MYO9A: variants seen among roughly 807,000 people sequenced by gnomAD.
MYO9A encodes the protein myosin IXA.
MYO9A carries 103 observed loss-of-function variants against 293.3 expected under a neutral mutation model. That is an observed-to-expected ratio of 0.35 (90% confidence interval 0.30 to 0.41). The LOEUF (loss-of-function observed/expected upper bound fraction) is 0.41. MYO9A is among the 10% of genes least tolerant of loss of function. The pLI is 1.00. For synonymous variants in MYO9A, 1,001 were observed against 1,035.7 expected (o/e 0.97, Z 0.64); for missense variants, 2,685 against 3,033.0 (o/e 0.89, Z 2.69).
At chr15:71,964,663 T>C (rs958015085) in intron 13 of MYO9A, among the ~76,000 whole-genome samples, 10 of 150,380 alleles carry the variant, frequency 6.6e-5, no homozygotes, top group Non-Finnish European at 1.5e-4. Context: ...GGCATGTGCC[T>C]GTAGTCCCAG....
chr15:71,899,090 CAT>C (rs1300861885), intron 24 of MYO9A, 58 bp from the exon 25 acceptor site: 11 of 1,404,872 alleles, frequency 7.8e-6, no homozygotes, highest in Non-Finnish European at 1.1e-5. Flanking sequence ...CTGAAAATAA[CAT>C]ATTTCCTGAG....
At chr15:71,914,346 G>C (rs1225345338) in intron 19 of MYO9A, among the ~76,000 whole-genome samples, 1 of 152,128 alleles carries the variant, frequency 6.6e-6, no homozygotes, top group African/African-American at 2.4e-5. Flanking sequence ...GTTTCTGGTT[G>C]TTTATAGCAG....
At chr15:72,018,838 A>G (rs1250090147) in intron 6 of MYO9A, among the ~76,000 whole-genome samples, 7 of 152,226 alleles carry the variant, frequency 4.6e-5, no homozygotes, top group South Asian at 2.1e-4. Flanking sequence ...TAGCCCAAAA[A>G]AAGTAAATTA....
chr15:72,005,391 G>C (rs1288913850), intron 8 of MYO9A, among the ~76,000 whole-genome samples: 1 of 152,126 alleles, frequency 6.6e-6, no homozygotes, highest in African/African-American at 2.4e-5. Context: ...TGATGCACTA[G>C]AAACAGAAGC....
intron 4 of MYO9A, among the ~76,000 whole-genome samples, chr15:72,021,777 G>A (rs2077508834): frequency 6.6e-6 from 1 of 152,158 alleles, no homozygotes; most frequent in South Asian, 2.1e-4. Context: ...AATGTCCTGG[G>A]AATCTAGAAG....
intron 25 of MYO9A, 192 bp downstream of exon 25, chr15:71,897,269 C>G: frequency 3.2e-6 from 2 of 617,202 alleles, no homozygotes; most frequent in Non-Finnish European, 2.8e-6. Flanking sequence ...CATGATCAGT[C>G]AAGGATTCCT....
At chr15:72,108,906 G>A (rs1297210428) in intron 1 of MYO9A, among the ~76,000 whole-genome samples, 2 of 151,816 alleles carry the variant, frequency 1.3e-5, no homozygotes, top group African/African-American at 4.8e-5. Flanking sequence ...GGGATTATAA[G>A]CACCCACCAC....
At chr15:71,867,038 C>G (rs183868007) in intron 32 of MYO9A, among the ~76,000 whole-genome samples, 1 of 151,634 alleles carries the variant, frequency 6.6e-6, no homozygotes, top group South Asian at 2.1e-4. Flanking sequence ...GCCTTGGCAA[C>G]AGAGTGAGAC....
intron 1 of MYO9A, among the ~76,000 whole-genome samples, chr15:72,084,937 G>A (rs7183749): frequency 0.2 from 30,856 of 151,990 alleles, 3,344 homozygotes; most frequent in East Asian, 0.41. Flanking sequence ...CCAATGAGTC[G>A]GGTGTCATAG....
chr15:71,856,177 G>T (rs1248908911), intron 34 of MYO9A, among the ~76,000 whole-genome samples: 1 of 152,044 alleles, frequency 6.6e-6, no homozygotes, highest in Non-Finnish European at 1.5e-5. Flanking sequence ...CAGGCATAGT[G>T]GTGGGCACCT....
intron 1 of MYO9A, among the ~76,000 whole-genome samples, chr15:72,090,263 T>C (rs915623982): frequency 1.3e-5 from 2 of 152,222 alleles, no homozygotes; most frequent in African/African-American, 4.8e-5. Flanking sequence ...CTGGATTAAT[T>C]ATTTCTATAA....
At chr15:71,869,758 T>C (rs1393905723) in intron 32 of MYO9A, among the ~76,000 whole-genome samples, 1 of 152,108 alleles carries the variant, frequency 6.6e-6, no homozygotes, top group Non-Finnish European at 1.5e-5. Context: ...TAGAACAAGT[T>C]GGTAGAGAGT....
intron 1 of MYO9A, among the ~76,000 whole-genome samples, chr15:72,081,023 A>G (rs2079528324): frequency 6.6e-6 from 1 of 152,190 alleles, no homozygotes; most frequent in Non-Finnish European, 1.5e-5. Flanking sequence ...TGCAGTGAAC[A>G]AACACACATG....
intron 26 of MYO9A, chr15:71,891,542 A>G (rs1287427772): frequency 6.6e-6 from 1 of 152,262 alleles, no homozygotes; most frequent in Non-Finnish European, 1.5e-5. Context: ...TGTTAATCAG[A>G]TAACACAGTA....
chr15:71,892,976 C>T, intron 26 of MYO9A: 1 of 1,267,396 alleles, frequency 7.9e-7, no homozygotes, highest in South Asian at 1.3e-5. Flanking sequence ...ATTTCGGAGT[C>T]ACTGTGAGAG....
At chr15:72,055,482 A>G (rs2078692943) in intron 1 of MYO9A, among the ~76,000 whole-genome samples, 1 of 152,220 alleles carries the variant, frequency 6.6e-6, no homozygotes, top group Non-Finnish European at 1.5e-5. Context: ...AATGGGACTT[A>G]ATTAAAGAGC....
intron 25 of MYO9A, among the ~76,000 whole-genome samples, chr15:71,895,624 T>G (rs1161551179): frequency 1.3e-5 from 2 of 152,138 alleles, no homozygotes; most frequent in Non-Finnish European, 2.9e-5. Context: ...TTCTACAAAA[T>G]GTTAATGTTT....
rs1376958561 is a variant in MYO9A at position 71,898,662 on chromosome 15, C to G, written c.3841G>C (p.Glu1281Gln). ...KRESRRMREL[E>Q]QAIFSLELLK... The stretch of plus-strand genomic sequence containing the variant: ...AATTCTAAGCTAAATATAGCTTGCT[C>G]TAGTTCTCTCATTCTCCTACTTTCT... The change falls in exon 25 of 42, where the codon GAG (glutamate) becomes CAG (glutamine). Residue 1281 changes from glutamate (E) to glutamine (Q), a missense_variant. This residue lies in a region of MYO9A where 1,434 missense variants were observed against 1,497.7 expected (regional missense o/e 0.96). Coordinates refer to ENST00000356056, the MANE Select transcript of MYO9A (RefSeq NM_006901.4). 2.5e-6 allele frequency: 4 copies of G among 1,613,926 alleles called. No individual in the cohort carries two copies. Among genetic ancestry groups the G allele is most frequent in the Non-Finnish European group, 3.4e-6 (4 of 1,180,004 alleles).
intron 18 of MYO9A, among the ~76,000 whole-genome samples, chr15:71,928,047 TA>T (rs2145505431): frequency 5.3e-4 from 6 of 11,276 alleles, no homozygotes; most frequent in Non-Finnish European, 9.6e-4. Context: ...TATATATATA[TA>T]TATATATATT....
Sources: allele counts gnomAD v4.1 joint callset (sites outside exome capture counted in the v4.1 genomes callset), GRCh38; gene constraint gnomAD v4.1.1; regional missense constraint gnomAD v4.1.1; transcripts MANE v1.5; gene names NCBI Gene and HGNC (gene_info 2026-07-23, HGNC 2026-07-21).